SRPK2: variants seen among roughly 807,000 people sequenced by gnomAD.
The protein encoded by SRPK2 is SRSF protein kinase 2.
A neutral mutation model predicts 90.8 loss-of-function variants in SRPK2; 21 were observed. The observed-to-expected ratio is 0.23, with a 90% CI of 0.16 to 0.33. The LOEUF (loss-of-function observed/expected upper bound fraction) is 0.33. SRPK2 is among the 10% of genes least tolerant of loss of function. SRPK2 has a pLI of 1.00. For synonymous variants in SRPK2, 288 were observed against 311.1 expected (o/e 0.93, Z 0.78); for missense variants, 620 against 869.0 (o/e 0.71, Z 3.60).
chr7:105,331,070 G>A (rs751891886), intron 2 of SRPK2, among the ~76,000 whole-genome samples: 1 of 151,858 alleles, frequency 6.6e-6, no homozygotes, highest in Non-Finnish European at 1.5e-5. Flanking sequence ...GGGAGGCCGA[G>A]GTAGGTGGTT....
intron 2 of SRPK2, chr7:105,244,759 C>T: frequency 9.8e-7 from 1 of 1,018,312 alleles, no homozygotes; most frequent in Non-Finnish European, 1.6e-6. Context: ...TGACCAAACA[C>T]ACCAAGTTTG....
intron 2 of SRPK2, among the ~76,000 whole-genome samples, chr7:105,324,129 TG>T (rs1813288189): frequency 6.6e-6 from 1 of 151,168 alleles, no homozygotes; most frequent in Non-Finnish European, 1.5e-5. Context: ...CCCAAGTAGC[TG>T]GGATTACAGG....
chr7:105,327,038 A>AC (rs1475354905), intron 2 of SRPK2, among the ~76,000 whole-genome samples: 1 of 148,488 alleles, frequency 6.7e-6, no homozygotes, highest in African/African-American at 2.5e-5. Context: ...ACTCCAACCA[A>AC]CCTGGGCGAC....
chr7:105,245,119 ATCTT>A (rs1801460030), intron 2 of SRPK2: 3 of 606,712 alleles, frequency 4.9e-6, no homozygotes, highest in South Asian at 3.8e-5. Context: ...AGAAATAAAA[ATCTT>A]TATTCAAATA....
At chr7:105,390,568 A>G (rs1446524259), upstream of SRPK2, among the ~76,000 whole-genome samples, 1 of 150,040 alleles carries the variant, frequency 6.7e-6, no homozygotes, top group African/African-American at 2.5e-5. Flanking sequence ...AGCTGGGATT[A>G]CAGGCATACA....
intron 2 of SRPK2, among the ~76,000 whole-genome samples, chr7:105,351,443 A>G (rs1011560290): frequency 6.6e-6 from 1 of 152,006 alleles, no homozygotes; most frequent in African/African-American, 2.4e-5. Flanking sequence ...GAATCACCTG[A>G]GGTCAGGAGT....
intron 2 of SRPK2, among the ~76,000 whole-genome samples, chr7:105,297,223 A>T (rs1032580613): frequency 1.3e-5 from 2 of 152,178 alleles, no homozygotes; most frequent in African/African-American, 4.8e-5. Flanking sequence ...TTGGAATATA[A>T]AGTAAAAACA....
At chr7:105,154,799 C>T (rs1435711405) in intron 7 of SRPK2, among the ~76,000 whole-genome samples, 3 of 152,040 alleles carry the variant, frequency 2.0e-5, no homozygotes, top group Non-Finnish European at 4.4e-5. Context: ...CTCAGCCTCC[C>T]GAGTAGCTGG....
chr7:105,117,868 T>C lies in SRPK2; in HGVS notation c.2070A>G (p.Glu690=), dbSNP rs1412056152. ...AATTCAACCAAGGATGCCGAAGGCA[T>C]TCGCCAGCTGAGGCTCGTTTTTCTG... The part of the protein sequence containing the change: ...MVPEKRASAG[E]CLRHPWLNS Residue 690 remains glutamate, a synonymous_variant, in exon 16 of 16, where the codon GAA becomes GAG. Coordinates refer to ENST00000393651, the MANE Select transcript of SRPK2 (RefSeq NM_182692.3). The C allele has an allele frequency of 1.9e-6, 3 of 1,613,190 alleles. No individual in the cohort carries two copies. The highest frequency in any genetic ancestry group is 1.1e-5 in the South Asian group (1 of 91,036).
chr7:105,244,063 C>T (rs1245752682), intron 2 of SRPK2, among the ~76,000 whole-genome samples: 1 of 152,138 alleles, frequency 6.6e-6, no homozygotes, highest in African/African-American at 2.4e-5. Flanking sequence ...AGAAGCCCCA[C>T]GAGGGCTGAA....
chr7:105,196,147 T>C (rs748142253), intron 3 of SRPK2, among the ~76,000 whole-genome samples: 11 of 152,154 alleles, frequency 7.2e-5, no homozygotes, highest in Non-Finnish European at 1.6e-4. Context: ...ATAAAAGAAA[T>C]GTAATGAGGC....
At chr7:105,150,508 TC>T (rs1344526870) in intron 7 of SRPK2, among the ~76,000 whole-genome samples, 2 of 151,952 alleles carry the variant, frequency 1.3e-5, no homozygotes, top group Non-Finnish European at 2.9e-5. Context: ...AGAATAAAAC[TC>T]TGTCTAAAAG....
intron 2 of SRPK2, among the ~76,000 whole-genome samples, chr7:105,311,699 G>C (rs1585655543): frequency 1.3e-5 from 2 of 152,270 alleles, no homozygotes; most frequent in East Asian, 1.9e-4. Flanking sequence ...ATAAGTGTAG[G>C]CAAGGATGTA....
At position 105,170,855 on chromosome 7, in the gene SRPK2, GAAA is replaced by G. The variant is rs1563025196; in HGVS notation, c.230-1593_230-1591del. Among the ~76,000 whole-genome samples, 96 of 36,418 alleles carry G rather than the reference GAAA, an allele frequency of 2.6e-3. 6 individuals are homozygous for G. Among genetic ancestry groups the G allele is most frequent in the African/African-American group, 6.9e-3 (90 of 13,024 alleles). 23.9% of individuals were successfully genotyped at this position (36,418 alleles called of 152,430 possible). On this transcript the variant is annotated intron_variant, in intron 3 of 15. Coordinates refer to ENST00000393651, the MANE Select transcript of SRPK2 (RefSeq NM_182692.3). ...AGAAAGGAAGAAAGAAAGAAAGAAA[GAAA>G]GAAAGAAAGAAAGAAAGAAAGAAAG...
intron 2 of SRPK2, among the ~76,000 whole-genome samples, chr7:105,329,759 G>C (rs1171498656): frequency 1.3e-5 from 2 of 152,084 alleles, no homozygotes; most frequent in Non-Finnish European, 2.9e-5. Flanking sequence ...ACCCGGCATG[G>C]TGGCTCATGC....
intron 2 of SRPK2, among the ~76,000 whole-genome samples, chr7:105,326,026 A>T (rs773841677): frequency 3.3e-5 from 5 of 152,254 alleles, no homozygotes; most frequent in African/African-American, 4.8e-5. Flanking sequence ...CCTACCGCAC[A>T]CGGGGACACG....
intron 3 of SRPK2, among the ~76,000 whole-genome samples, chr7:105,178,204 C>CA (rs1445155075): frequency 6.6e-6 from 1 of 151,832 alleles, no homozygotes; most frequent in African/African-American, 2.4e-5. Flanking sequence ...TTCACCACAG[C>CA]AAAAACACTA....
In SRPK2 at chr7:105,167,966, C is replaced by T. The variant is rs779750733; in HGVS notation, c.426+42G>A. 5 of 1,472,728 alleles carry T rather than the reference C, an allele frequency of 3.4e-6. No homozygotes were observed. The Admixed American group carries it at 6.5e-5, about 19-fold the overall frequency. 91.2% of individuals were successfully genotyped at this position (1,472,728 alleles called of 1,614,324 possible). A position where few individuals can be genotyped will look rare whatever the true frequency, so the allele number is the denominator to read the frequency against. Reference sequence around the variant, plus strand: ...AAAATCTTTCTGTAAAATTTTAAGTCATTAAGTTTTCTTATATCATTCACA... The same window carrying T: ...AAAATCTTTCTGTAAAATTTTAAGTTATTAAGTTTTCTTATATCATTCACA... On this transcript the variant is annotated intron_variant, in intron 5 of 15. Coordinates refer to ENST00000393651, the MANE Select transcript of SRPK2 (RefSeq NM_182692.3).
At chr7:105,212,297 G>A (rs1362039874) in intron 2 of SRPK2, among the ~76,000 whole-genome samples, 4 of 152,194 alleles carry the variant, frequency 2.6e-5, no homozygotes, top group Non-Finnish European at 2.9e-5. Context: ...CAGATGCCCA[G>A]CACTGAGGGG....
Sources: gnomAD v4.1 joint callset for allele counts (sites outside exome capture counted in the v4.1 genomes callset) on GRCh38, gnomAD v4.1.1 for gene constraint, MANE v1.5 for transcripts, NCBI Gene and HGNC (gene_info 2026-07-23, HGNC 2026-07-21) for gene names.